Variants in IKZF2 observed in about 807,000 individuals in gnomAD.
The protein encoded by IKZF2 is zinc finger protein Helios.
Under a neutral mutation model 49.2 loss-of-function variants are expected in IKZF2, and 15 were observed. That is an observed-to-expected ratio of 0.30 (90% CI 0.20 to 0.47). IKZF2 has a LOEUF of 0.47. IKZF2 is among the 20% of genes least tolerant of loss of function. The pLI is 1.00. For synonymous variants in IKZF2, 227 were observed against 221.4 expected (o/e 1.03, Z -0.23); for missense variants, 567 against 664.6 (o/e 0.85, Z 1.61).
chr2:213,023,382 T>C (rs192883124), intron 6 of IKZF2, among the ~76,000 whole-genome samples: 1 of 152,194 alleles, frequency 6.6e-6, no homozygotes, highest in Non-Finnish European at 1.5e-5. Context: ...TAAATTAAGA[T>C]CAGTTATTTC....
At chr2:213,099,667 G>GA (rs1445211459) in intron 4 of IKZF2, among the ~76,000 whole-genome samples, 2 of 152,094 alleles carry the variant, frequency 1.3e-5, no homozygotes, top group East Asian at 3.9e-4. Flanking sequence ...TCATTTAAAA[G>GA]AAAAAACGTG....
chr2:213,098,953 A>T (rs1350937745), intron 4 of IKZF2, among the ~76,000 whole-genome samples: 1 of 152,162 alleles, frequency 6.6e-6, no homozygotes, highest in Non-Finnish European at 1.5e-5. Context: ...ACCTCTTCTA[A>T]TCTTGCCCTT....
At position 213,127,227 on chromosome 2, in the gene IKZF2, T is replaced by C. The variant is rs115445682; in HGVS notation, c.139+20481A>G. 6.0e-3 allele frequency among the ~76,000 whole-genome samples: 908 copies of C among 152,318 alleles called. 4 individuals carry two copies. The highest frequency in any genetic ancestry group is 0.01 in the Non-Finnish European group (688 of 68,026). On this transcript the variant is annotated intron_variant, in intron 4 of 8. Coordinates refer to ENST00000434687, the MANE Select transcript of IKZF2 (RefSeq NM_001387220.1). ...AATGGGTATAAGGCAGTTACACTTA[T>C]CAAAGACCTTTCATTAGTGGCAGGT...
At chr2:213,045,500 T>C (rs977394548) in intron 6 of IKZF2, among the ~76,000 whole-genome samples, 8 of 152,206 alleles carry the variant, frequency 5.3e-5, no homozygotes, top group Admixed American at 5.2e-4. Context: ...CATAACATAG[T>C]CTGGAGAAAT....
At chr2:213,054,520 G>A (rs13388540) in intron 5 of IKZF2, among the ~76,000 whole-genome samples, 80,487 of 151,978 alleles carry the variant, frequency 0.53, 21,970 homozygotes, top group East Asian at 0.76. Flanking sequence ...GTTGAAAATG[G>A]CAGGACACAC....
chr2:213,065,645 C>T (rs192985006), intron 4 of IKZF2, among the ~76,000 whole-genome samples: 4 of 152,060 alleles, frequency 2.6e-5, no homozygotes, highest in African/African-American at 7.2e-5. Context: ...ATAGCCACTC[C>T]ATGAAGTACG....
At chr2:213,111,383 T>C (rs1052276971) in intron 4 of IKZF2, among the ~76,000 whole-genome samples, 1 of 152,100 alleles carries the variant, frequency 6.6e-6, no homozygotes, top group Non-Finnish European at 1.5e-5. Flanking sequence ...TGTTCTTTAA[T>C]ACAAATATTA....
chr2:213,056,716 T>C, intron 5 of IKZF2, 117 bp downstream of exon 5: 1 of 1,245,980 alleles, frequency 8.0e-7, no homozygotes, highest in Non-Finnish European at 1.1e-6. Context: ...AGCAGAATTC[T>C]GAAAAGGTAG....
chr2:213,132,508 C>T (rs899766953), intron 4 of IKZF2, among the ~76,000 whole-genome samples: 1 of 152,028 alleles, frequency 6.6e-6, no homozygotes. Flanking sequence ...AAAAAAAGAA[C>T]ACTGCTGGGG....
At chr2:213,072,452 A>G (rs1702813221) in intron 4 of IKZF2, among the ~76,000 whole-genome samples, 1 of 152,142 alleles carries the variant, frequency 6.6e-6, no homozygotes, top group African/African-American at 2.4e-5. Flanking sequence ...AATGCAGTAG[A>G]CAGTCTACAA....
chr2:213,015,030 A>C (rs1235745813), intron 7 of IKZF2: 3 of 152,078 alleles, frequency 2.0e-5, no homozygotes, highest in Non-Finnish European at 2.9e-5. Flanking sequence ...AAAAAAATGT[A>C]GTCTCATTTA....
intron 7 of IKZF2, 61 bp downstream of exon 7, chr2:213,021,932 T>A (rs1187603045): frequency 6.5e-7 from 1 of 1,529,700 alleles, no homozygotes; most frequent in Non-Finnish European, 8.8e-7. Context: ...GATTTTATCT[T>A]CATGTTGAAC....
chr2:213,095,449 C>T lies in IKZF2; in HGVS notation c.140-38350G>A, dbSNP rs145851736. On this transcript the variant is annotated intron_variant, in intron 4 of 8. Coordinates refer to ENST00000434687, the MANE Select transcript of IKZF2 (RefSeq NM_001387220.1). ...GAATTAAAATAGTCTGTAAAATGAA[C>T]ATATGTAAAGTCAAATGTCTTAGAA... Among the ~76,000 whole-genome samples, 82 of 151,992 alleles carry T rather than the reference C, an allele frequency of 5.4e-4. No homozygotes were observed. In the East Asian group the frequency reaches 0.015, roughly 28 times the overall value.
chr2:213,119,742 C>A (rs188348711), intron 4 of IKZF2, among the ~76,000 whole-genome samples: 2 of 152,254 alleles, frequency 1.3e-5, no homozygotes, highest in Admixed American at 1.3e-4. Flanking sequence ...GACTCGGGTT[C>A]AGAGGTCACC....
intron 4 of IKZF2, among the ~76,000 whole-genome samples, chr2:213,083,926 G>A (rs1363649746): frequency 6.6e-6 from 1 of 151,884 alleles, no homozygotes; most frequent in African/African-American, 2.4e-5. Flanking sequence ...GAAACAAAGT[G>A]CACAATAAAT....
intron 8 of IKZF2, among the ~76,000 whole-genome samples, chr2:213,012,548 C>A (rs1696081923): frequency 6.6e-6 from 1 of 151,540 alleles, no homozygotes; most frequent in African/African-American, 2.4e-5. Flanking sequence ...AAAAAGTTAC[C>A]AAAGGCCTGA....
chr2:213,088,350 GTTGT>G (rs1437344777), intron 4 of IKZF2, among the ~76,000 whole-genome samples: 1 of 152,118 alleles, frequency 6.6e-6, no homozygotes, highest in East Asian at 1.9e-4. Context: ...TTTTGATGGG[GTTGT>G]TTGATTTTTT....
At chr2:213,112,024 A>T (rs1351302570) in intron 4 of IKZF2, among the ~76,000 whole-genome samples, 2 of 152,166 alleles carry the variant, frequency 1.3e-5, no homozygotes, top group African/African-American at 4.8e-5. Flanking sequence ...CAAGCCTTAA[A>T]GCAATAAAAA....
At chr2:213,077,423 C>G (rs1303022132) in intron 4 of IKZF2, among the ~76,000 whole-genome samples, 1 of 151,996 alleles carries the variant, frequency 6.6e-6, no homozygotes, top group African/African-American at 2.4e-5. Context: ...TGAACTACCT[C>G]TTATCTATAG....
Sources: allele counts gnomAD v4.1 joint callset (sites outside exome capture counted in the v4.1 genomes callset), GRCh38; gene constraint gnomAD v4.1.1; transcripts MANE v1.5; gene names NCBI Gene and HGNC (gene_info 2026-07-23, HGNC 2026-07-21).